Variants in PROM1 observed in about 807,000 individuals in gnomAD.
PROM1 encodes the protein prominin 1.
PROM1 carries 105 observed loss-of-function variants against 116.9 expected under a neutral mutation model. The observed-to-expected ratio is 0.90, with a 90% CI of 0.77 to 1.06. The LOEUF is 1.06. PROM1 is among the 50% of genes least tolerant of loss of function. PROM1 has a pLI of 0.00. For missense variants in PROM1, 1,122 were observed against 1,045.2 expected (o/e 1.07, Z -1.01); for synonymous variants, 393 against 387.0 (o/e 1.02, Z -0.18).
At chr4:16,040,465 T>C (rs1734964164) in intron 2 of PROM1, among the ~76,000 whole-genome samples, 1 of 152,246 alleles carries the variant, frequency 6.6e-6, no homozygotes, top group Non-Finnish European at 1.5e-5. Flanking sequence ...CATTTCATTG[T>C]TTAAAATTTC....
At position 16,002,381 on chromosome 4, in the gene PROM1, G is replaced by A. The variant is rs1040163997; in HGVS notation, c.1455-1762C>T. Among the ~76,000 whole-genome samples, 8 of 152,258 alleles carry A rather than the reference G, an allele frequency of 5.3e-5. No individual in the cohort carries two copies. In the East Asian group the frequency reaches 1.3e-3, roughly 26 times the overall value. On this transcript the variant is annotated intron_variant, in intron 13 of 27. Transcript: ENST00000447510. ...GCTTAGCTGTCTAGATGTAGACATA[G>A]AGAACAAACTCTTAAATCGATCTAG...
At chr4:15,983,338 T>C (rs1273727388) in intron 23 of PROM1, among the ~76,000 whole-genome samples, 1 of 152,096 alleles carries the variant, frequency 6.6e-6, no homozygotes, top group African/African-American at 2.4e-5. Flanking sequence ...CACTGAATCA[T>C]CAAAACAGCC....
chr4:15,972,279 A>G (rs1280390047), intron 26 of PROM1, among the ~76,000 whole-genome samples: 1 of 152,218 alleles, frequency 6.6e-6, no homozygotes, highest in African/African-American at 2.4e-5. Context: ...CTATAACAGA[A>G]TATCAGAGAC....
chr4:16,033,840 G>A (rs545778185), intron 4 of PROM1, among the ~76,000 whole-genome samples: 49 of 151,548 alleles, frequency 3.2e-4, no homozygotes, highest in Non-Finnish European at 6.8e-4. Flanking sequence ...GTAAGCCACC[G>A]CACCTGGCCA....
chr4:16,056,259 T>C (rs1203156069), intron 2 of PROM1, among the ~76,000 whole-genome samples: 2 of 152,042 alleles, frequency 1.3e-5, no homozygotes, highest in East Asian at 3.9e-4. Flanking sequence ...CAACCAGATT[T>C]AGGATTCCAC....
At position 16,064,199 on chromosome 4, in the gene PROM1, G is replaced by A. The variant is rs1172163180; in HGVS notation, c.220+11488C>T. On this transcript the variant is annotated intron_variant, in intron 2 of 27. Transcript: ENST00000447510. ...CTTCATAGCAGGACTAAGCATAATG[G>A]CCCCAACCAAAAACCTCTCAAATGC... is the stretch of plus-strand genomic sequence containing the variant. Among the ~76,000 whole-genome samples, 4 of 152,156 alleles carry A rather than the reference G, an allele frequency of 2.6e-5. No individual in the cohort carries two copies. In the South Asian group the frequency reaches 8.3e-4, roughly 32 times the overall value.
intron 1 of PROM1, chr4:16,082,260 T>C (rs1745183181): frequency 6.6e-6 from 1 of 151,832 alleles, no homozygotes. Flanking sequence ...TCATATGAGG[T>C]TGACGATATT....
At chr4:16,004,852 C>CCTTCCTTG (rs1175458928) in intron 13 of PROM1, among the ~76,000 whole-genome samples, 1 of 136,698 alleles carries the variant, frequency 7.3e-6, no homozygotes, top group Non-Finnish European at 1.6e-5. Context: ...TTCCTTCCTT[C>CCTTCCTTG]CTTCCTTCCT....
At chr4:15,981,692 T>G (rs1044544355) in intron 23 of PROM1, among the ~76,000 whole-genome samples, 4 of 152,154 alleles carry the variant, frequency 2.6e-5, no homozygotes, top group Admixed American at 1.3e-4. Context: ...TTAGAAACAA[T>G]GTTCACTGCA....
intron 2 of PROM1, among the ~76,000 whole-genome samples, chr4:16,050,291 A>C (rs925043792): frequency 2.8e-4 from 42 of 151,864 alleles, no homozygotes; most frequent in Middle Eastern, 3.4e-3. Context: ...CACACACACA[A>C]AAACTGATGT....
rs747305691 is a variant in PROM1 at position 15,984,301 on chromosome 4, C to G, written c.2335G>C (p.Val779Leu). ...ATGTAGCTACACAGAAAGACATCAACAGCAGTATCTAGAGCGGTGGCCACA... is the reference window on the plus strand; with the variant it reads ...ATGTAGCTACACAGAAAGACATCAAGAGCAGTATCTAGAGCGGTGGCCACA... ...KPVATALDTA[V>L]DVFLCSYIID... Residue 779 changes from valine (V) to leucine (L), a missense_variant, in exon 23 of 28, where the codon GTT becomes CTT. Transcript: ENST00000447510. 9.3e-6 allele frequency: 15 copies of G among 1,609,456 alleles called. No individual in the cohort carries two copies. In the South Asian group the frequency reaches 1.4e-4, roughly 16 times the overall value.
chr4:16,033,435 C>A lies in PROM1; in HGVS notation c.378G>T (p.Val126=), dbSNP rs1442421584. 1 of 1,613,674 alleles carries A rather than the reference C, an allele frequency of 6.2e-7. No homozygotes were observed. The highest frequency in any genetic ancestry group is 8.5e-7 in the Non-Finnish European group (1 of 1,179,754). ...AACGACACATACAAAAGAAATACCCCACCAGAGGCATCAGAATAATAAACA... is the reference window on the plus strand; with the variant it reads ...AACGACACATACAAAAGAAATACCCAACCAGAGGCATCAGAATAATAAACA... ...GLLFIILMPL[V]GYFFCMCRCC... is the part of the protein sequence containing the mutation. The change falls in exon 5 of 28, where the codon GTG becomes GTT. Residue 126 remains valine (V), a synonymous_variant. Coordinates refer to ENST00000447510, the MANE Select transcript of PROM1 (RefSeq NM_006017.3).
At chr4:16,005,495 GGTGTGTGTGTGTGTGTGTGTGT>G (rs3221933) in intron 13 of PROM1, among the ~76,000 whole-genome samples, 102 of 145,904 alleles carry the variant, frequency 7.0e-4, no homozygotes, top group Non-Finnish European at 9.3e-4. Context: ...TTGTTTGTTT[GGTGTGTGTGTGTGTGTGTGTGT>G]GTGTGTGTGT....
intron 7 of PROM1, 128 bp downstream of exon 7, chr4:16,024,167 A>C (rs1214158719): frequency 1.2e-6 from 1 of 813,060 alleles, no homozygotes; most frequent in Non-Finnish European, 2.0e-6. Flanking sequence ...ACACATTGGC[A>C]ATAAGGCTAG....
intron 2 of PROM1, among the ~76,000 whole-genome samples, chr4:16,057,392 C>G (rs1560587460): frequency 6.6e-6 from 1 of 152,242 alleles, no homozygotes; most frequent in Non-Finnish European, 1.5e-5. Flanking sequence ...TCATCAGTGA[C>G]AGCATCAGAT....
chr4:16,018,269 C>A, intron 9 of PROM1, 54 bp downstream of exon 9: 1 of 1,569,354 alleles, frequency 6.4e-7, no homozygotes, highest in Non-Finnish European at 8.7e-7. Context: ...CTTAGCCCTG[C>A]CCGGCAATCC....
intron 26 of PROM1, among the ~76,000 whole-genome samples, chr4:15,975,369 G>A (rs1019240287): frequency 3.9e-5 from 6 of 152,092 alleles, no homozygotes; most frequent in Non-Finnish European, 7.4e-5. Flanking sequence ...ACAGGTGCCC[G>A]CCACTACGCC....
intron 2 of PROM1, among the ~76,000 whole-genome samples, chr4:16,057,104 T>C (rs1017054597): frequency 6.6e-6 from 1 of 152,264 alleles, no homozygotes; most frequent in Non-Finnish European, 1.5e-5. Flanking sequence ...TTTATTTCTA[T>C]GCACAAGTTA....
At chr4:16,078,561 A>G (rs1403817084) in intron 1 of PROM1, among the ~76,000 whole-genome samples, 1 of 151,886 alleles carries the variant, frequency 6.6e-6, no homozygotes, top group African/African-American at 2.4e-5. Flanking sequence ...CAAGTGTACC[A>G]CTCTTCCTCT....
Sources: gnomAD v4.1 joint callset for allele counts (sites outside exome capture counted in the v4.1 genomes callset) on GRCh38, gnomAD v4.1.1 for gene constraint, MANE v1.5 for transcripts, NCBI Gene and HGNC (gene_info 2026-07-23, HGNC 2026-07-21) for gene names.